The following PCDHGA1 variants were observed in gnomAD, a reference collection of about 807,000 sequenced individuals.
The protein encoded by PCDHGA1 is protocadherin gamma subfamily A, 1.
Under a neutral mutation model 58.0 loss-of-function variants are expected in PCDHGA1, and 32 were observed. That is an observed-to-expected ratio of 0.55 (90% CI 0.42 to 0.74). The LOEUF is 0.74. PCDHGA1 is among the 30% of genes least tolerant of loss of function. The pLI is 0.00. For synonymous variants in PCDHGA1, 498 were observed against 501.1 expected (o/e 0.99, Z 0.08); for missense variants, 1,205 against 1,182.3 (o/e 1.02, Z -0.28).
rs57426385 is a variant in PCDHGA1, at chr5:141,415,740, G to GTTTTTTTTTTTTT, written c.2422-79047_2422-79035dup. ...TGAGTAGAATTTGATGTTTATTAAGGTTTTTTTTTTTTTTTTTTTTTTTTT... is the reference window on the plus strand; with the variant it reads ...TGAGTAGAATTTGATGTTTATTAAGGTTTTTTTTTTTTTTTTTTTTTTTTTTTTTTTTTTTTTT... On this transcript the variant is annotated intron_variant, in intron 1 of 3. Coordinates refer to ENST00000517417, the MANE Select transcript of PCDHGA1 (RefSeq NM_018912.3). The GTTTTTTTTTTTTT allele has an allele frequency of 2.5e-4, 159 of 625,022 alleles. 3 individuals carry two copies. Among genetic ancestry groups the GTTTTTTTTTTTTT allele is most frequent in the Admixed American group, 5.7e-4 (8 of 14,124 alleles). 38.7% of individuals were successfully genotyped at this position (625,022 alleles called of 1,614,324 possible).
rs548299275 is a variant in PCDHGA1, at chr5:141,384,200, G to A, written c.2421+51095G>A. On this transcript the variant is annotated intron_variant, in intron 1 of 3. Coordinates refer to ENST00000517417, the MANE Select transcript of PCDHGA1 (RefSeq NM_018912.3). ...GATGGTGGAACTCCTCCCTTGTCCAGGGAAACTCACATATTCATGCAGGTG... is the reference window on the plus strand; with the variant it reads ...GATGGTGGAACTCCTCCCTTGTCCAAGGAAACTCACATATTCATGCAGGTG... 131 of 1,613,832 alleles carry A rather than the reference G, an allele frequency of 8.1e-5. 2 individuals are homozygous for A. The South Asian group carries it at 1.4e-3, about 17-fold the overall frequency.
At chr5:141,366,181 T>C (rs1310080502) in intron 1 of PCDHGA1, 4 of 1,613,836 alleles carry the variant, frequency 2.5e-6, no homozygotes, top group African/African-American at 1.3e-5. Context: ...CAGGACTCTT[T>C]GCGGTTGGGC....
At chr5:141,372,125 G>A in intron 1 of PCDHGA1, 2 of 1,613,718 alleles carry the variant, frequency 1.2e-6, no homozygotes, top group East Asian at 2.2e-5. Context: ...TCTTCGATAT[G>A]GTGCCGCGCT....
At chr5:141,372,253 GC>G in intron 1 of PCDHGA1, 1 of 1,613,158 alleles carries the variant, frequency 6.2e-7, no homozygotes, top group Non-Finnish European at 8.5e-7. Flanking sequence ...TTCAGCCTGG[GC>G]CTGCGCACGG....
chr5:141,449,098 G>A (rs1314761371), intron 1 of PCDHGA1, among the ~76,000 whole-genome samples: 1 of 152,140 alleles, frequency 6.6e-6, no homozygotes, highest in Admixed American at 6.5e-5. Context: ...TTTTACATAT[G>A]CAGTATATCT....
chr5:141,339,282 T>A (rs1386618398), intron 1 of PCDHGA1: 1 of 1,614,142 alleles, frequency 6.2e-7, no homozygotes, highest in East Asian at 2.2e-5. Context: ...CCCTGTCTGT[T>A]GAATTTTAAC....
At chr5:141,349,870 T>A (rs1758364599) in intron 1 of PCDHGA1, among the ~76,000 whole-genome samples, 1 of 152,182 alleles carries the variant, frequency 6.6e-6, no homozygotes, top group Non-Finnish European at 1.5e-5. Context: ...TACGAAATGA[T>A]GAAGGCCCTT....
At chr5:141,335,461 G>A (rs954818730) in intron 1 of PCDHGA1, among the ~76,000 whole-genome samples, 1 of 152,072 alleles carries the variant, frequency 6.6e-6, no homozygotes, top group Admixed American at 6.5e-5. Flanking sequence ...TGTAAAAAGA[G>A]CAGATGATCA....
intron 1 of PCDHGA1, chr5:141,420,142 G>T: frequency 4.3e-6 from 7 of 1,614,004 alleles, no homozygotes; most frequent in Non-Finnish European, 5.9e-6. Flanking sequence ...GGGATCAAAT[G>T]AATCCAGAAT....
At chr5:141,420,742 A>G (rs967908996) in intron 1 of PCDHGA1, among the ~76,000 whole-genome samples, 3 of 152,372 alleles carry the variant, frequency 2.0e-5, no homozygotes, top group African/African-American at 7.2e-5. Context: ...AATCAATTGG[A>G]ACCAACTACA....
At chr5:141,388,827 A>T (rs376001893) in intron 1 of PCDHGA1, 4 of 1,614,024 alleles carry the variant, frequency 2.5e-6, no homozygotes, top group Non-Finnish European at 2.5e-6. Flanking sequence ...AGAATATTCC[A>T]TAGTTTTGGA....
At chr5:141,361,078 T>TA in intron 1 of PCDHGA1, 1 of 1,614,004 alleles carries the variant, frequency 6.2e-7, no homozygotes, top group Non-Finnish European at 8.5e-7. Context: ...TGCAAGTAGT[T>TA]ACACTCTGAG....
intron 1 of PCDHGA1, chr5:141,364,891 T>C: frequency 1.2e-6 from 2 of 1,613,950 alleles, no homozygotes; most frequent in Middle Eastern, 1.6e-4. Flanking sequence ...GCGGAACTGA[T>C]GGACAAAAGT....
In PCDHGA1 at chr5:141,511,036, G is replaced by T; in HGVS notation, c.2659G>T (p.Val887Leu). The T allele has an allele frequency of 1.2e-6, 2 of 1,614,200 alleles. No homozygotes were observed. The highest frequency in any genetic ancestry group is 1.7e-6 in the Non-Finnish European group (2 of 1,180,024). Residue 887 changes from valine to leucine, a missense_variant, in exon 4 of 4, where the codon GTG (valine) becomes TTG (leucine). Transcript: ENST00000517417. ...RYGPQFTLQHVPDYRQNVYIP... is the reference protein window; with the variant it reads ...RYGPQFTLQHLPDYRQNVYIP... Reference sequence around the variant, plus strand: ...CGGACCCCAGTTCACCCTGCAGCACGTGCCCGACTACCGCCAGAATGTCTA... The same window carrying T: ...CGGACCCCAGTTCACCCTGCAGCACTTGCCCGACTACCGCCAGAATGTCTA...
At chr5:141,460,580 G>A (rs1037056676) in intron 1 of PCDHGA1, among the ~76,000 whole-genome samples, 7 of 152,160 alleles carry the variant, frequency 4.6e-5, no homozygotes, top group African/African-American at 1.4e-4. Flanking sequence ...ATGTAGGTGT[G>A]GGTTTTTTCT....
chr5:141,421,855 C>T (rs1329066630), intron 1 of PCDHGA1: 1 of 1,613,764 alleles, frequency 6.2e-7, no homozygotes, highest in East Asian at 2.2e-5. Context: ...GGCTGCTCAC[C>T]TGCTCCTCCT....
At chr5:141,368,533 CT>C (rs1239634165) in intron 1 of PCDHGA1, among the ~76,000 whole-genome samples, 2 of 152,024 alleles carry the variant, frequency 1.3e-5, no homozygotes, top group Non-Finnish European at 2.9e-5. Context: ...TGAAAACTTG[CT>C]TTTCCATTTT....
At chr5:141,375,216 T>G in intron 1 of PCDHGA1, 1 of 1,614,014 alleles carries the variant, frequency 6.2e-7, no homozygotes, top group Non-Finnish European at 8.5e-7. Flanking sequence ...GACTCTGGCC[T>G]GAATGGCCTG....
Position 141,395,117 on chromosome 5 carries a change from G to C in PCDHGA1, c.2421+62012G>C. 4 of 1,614,192 alleles carry C rather than the reference G, an allele frequency of 2.5e-6. No homozygotes were observed. The South Asian group carries it at 4.4e-5, about 18-fold the overall frequency. ...CCGCCGACTCGCGGAAGAGTCACCT[G>C]ATCTTTCCCCAGCCCAACTACGCAG... On this transcript the variant is annotated intron_variant, in intron 1 of 3. Coordinates refer to ENST00000517417, the MANE Select transcript of PCDHGA1 (RefSeq NM_018912.3).
Sources: gnomAD v4.1 joint callset for allele counts (sites outside exome capture counted in the v4.1 genomes callset) on GRCh38, gnomAD v4.1.1 for gene constraint, MANE v1.5 for transcripts, NCBI Gene and HGNC (gene_info 2026-07-23, HGNC 2026-07-21) for gene names.